The following RBL1 variants were observed in gnomAD, a reference collection of about 807,000 sequenced individuals.
RBL1 encodes RB transcriptional corepressor like 1.
A neutral mutation model predicts 123.0 loss-of-function variants in RBL1; 82 were observed. The ratio of observed to expected loss-of-function variants is 0.67; its 90% CI spans 0.56 to 0.80. The LOEUF (loss-of-function observed/expected upper bound fraction) is 0.80. Ranked by LOEUF, RBL1 falls within the 30% of genes least tolerant of loss-of-function variation. The probability of loss-of-function intolerance (pLI) is 0.00; values close to 1 mark genes in which losing one functional copy is unlikely to be tolerated. For synonymous variants in RBL1, 405 were observed against 441.3 expected (o/e 0.92, Z 1.03); for missense variants, 1,171 against 1,299.6 (o/e 0.90, Z 1.52).
At chr20:37,002,294 T>C (rs1369153591) in intron 21 of RBL1, among the ~76,000 whole-genome samples, 1 of 148,462 alleles carries the variant, frequency 6.7e-6, no homozygotes, top group Non-Finnish European at 1.5e-5. Flanking sequence ...GCTCCCAAAA[T>C]GCTAGAATTA....
In RBL1 at chr20:36,999,870, G is replaced by A. The variant is rs1443912202; in HGVS notation, c.3037-941C>T. Among the ~76,000 whole-genome samples, 21 of 152,194 alleles carry A rather than the reference G, an allele frequency of 1.4e-4. 1 individual carries two copies. On this transcript the variant is annotated intron_variant, in intron 21 of 21. Transcript: ENST00000373664. ...CCTCCACTTCCCAGCTGCCTGCCTT[G>A]GCCCCGCAAAGTGCCGAGATTGCAG...
At chr20:37,033,484 G>T (rs976500065) in intron 15 of RBL1, among the ~76,000 whole-genome samples, 1 of 150,654 alleles carries the variant, frequency 6.6e-6, no homozygotes. Context: ...TGCCCGGCTT[G>T]TATTTTTTTT....
intron 11 of RBL1, chr20:37,049,594 C>T (rs1218251502): frequency 4.0e-6 from 3 of 755,506 alleles, no homozygotes; most frequent in South Asian, 2.7e-5. Flanking sequence ...TTGCTTTCGT[C>T]GAGAGTGCCC....
At chr20:37,049,365 C>G (rs1383218596) in intron 11 of RBL1, 2 of 709,066 alleles carry the variant, frequency 2.8e-6, no homozygotes, top group East Asian at 4.9e-5. Context: ...AGGAATTCCT[C>G]CTGATCGGCA....
intron 2 of RBL1, among the ~76,000 whole-genome samples, chr20:37,078,181 TC>T (rs1440465015): frequency 6.6e-6 from 1 of 152,184 alleles, no homozygotes; most frequent in Admixed American, 6.5e-5. Context: ...TATCCATTAG[TC>T]CCATTACTGA....
At chr20:37,066,525 T>C (rs949655913) in intron 6 of RBL1, among the ~76,000 whole-genome samples, 199 bp downstream of exon 6, 2 of 152,334 alleles carry the variant, frequency 1.3e-5, no homozygotes, top group African/African-American at 2.4e-5. Flanking sequence ...ACAGTACATA[T>C]AGTTGGTCAC....
In RBL1 at chr20:37,022,631, C is replaced by T; in HGVS notation, c.2559+19G>A. ...TGTGAGCCACCATGCCCAGCCTCTT[C>T]TCCCAATTTATACATTACCTTTGCC... On this transcript the variant is annotated intron_variant, in intron 17 of 21. Coordinates refer to ENST00000373664, the MANE Select transcript of RBL1 (RefSeq NM_002895.5). 6.3e-7 allele frequency: 1 copy of T among 1,583,718 alleles called. No homozygotes were observed. The highest frequency in any genetic ancestry group is 8.6e-7 in the Non-Finnish European group (1 of 1,161,834).
At chr20:37,066,695 T>C in intron 6 of RBL1, 29 bp downstream of exon 6, 1 of 1,582,546 alleles carries the variant, frequency 6.3e-7, no homozygotes, top group Non-Finnish European at 8.6e-7. Flanking sequence ...TCTGTAAACA[T>C]CTCAGTCATC....
rs2065002988 is a variant in RBL1, at chr20:37,056,212, C to T, written c.1297G>A (p.Gly433Arg). The T allele has an allele frequency of 2.5e-6, 4 of 1,610,084 alleles. No homozygotes were observed. The highest frequency in any genetic ancestry group is 2.2e-5 in the East Asian group (1 of 44,772). Residue 433 changes from glycine to arginine, a missense_variant, in exon 10 of 22, where the codon GGA becomes AGA. Transcript: ENST00000373664. ...TGTTGACAGAAAGTCTCTCCTATTCCTTTTAGTATTTTCATAATGTTTTCC... is the reference window on the plus strand; with the variant it reads ...TGTTGACAGAAAGTCTCTCCTATTCTTTTTAGTATTTTCATAATGTTTTCC... ...PVENIMKILKGIGETFCQHYT... is the reference protein window; with the variant it reads ...PVENIMKILKRIGETFCQHYT...
At chr20:37,047,284 G>A (rs141321631) in intron 11 of RBL1, 94 bp from the exon 12 acceptor site, 30 of 1,413,844 alleles carry the variant, frequency 2.1e-5, no homozygotes, top group East Asian at 1.2e-4. Context: ...AAAAAATAAC[G>A]TGCAAATTAT....
chr20:37,089,610 T>C (rs1338023022), intron 1 of RBL1, among the ~76,000 whole-genome samples: 1 of 151,272 alleles, frequency 6.6e-6, no homozygotes, highest in Non-Finnish European at 1.5e-5. Flanking sequence ...TGCCACTACA[T>C]TCCAACATAG....
intron 11 of RBL1, among the ~76,000 whole-genome samples, chr20:37,055,309 G>GAAAAAAA (rs59560599): frequency 1.2e-5 from 1 of 84,034 alleles, no homozygotes. Context: ...ATGAAGGACA[G>GAAAAAAA]AAAAAAAAAA....
At chr20:37,085,282 G>A (rs902454669) in intron 2 of RBL1, among the ~76,000 whole-genome samples, 3 of 151,354 alleles carry the variant, frequency 2.0e-5, no homozygotes, top group South Asian at 2.1e-4. Flanking sequence ...ACAGGCACCC[G>A]CAACCACGCC....
At chr20:37,080,460 CTCTT>C (rs1310548464) in intron 2 of RBL1, among the ~76,000 whole-genome samples, 1 of 145,786 alleles carries the variant, frequency 6.9e-6, no homozygotes, top group Admixed American at 6.9e-5. Context: ...TACTCTCTCT[CTCTT>C]TTTTTTTTTT....
intron 19 of RBL1, among the ~76,000 whole-genome samples, chr20:37,008,068 T>C (rs2146205011): frequency 1.3e-5 from 2 of 152,300 alleles, no homozygotes; most frequent in South Asian, 4.1e-4. Context: ...GAACTGAAGG[T>C]GGTGCTCTTT....
At chr20:37,020,088 CTTTTT>C (rs34470853) in intron 18 of RBL1, among the ~76,000 whole-genome samples, 1 of 135,844 alleles carries the variant, frequency 7.4e-6, no homozygotes, top group Non-Finnish European at 1.6e-5. Context: ...TTATACATAA[CTTTTT>C]TTTTTTTTTT....
chr20:37,075,339 G>T (rs543036057), intron 2 of RBL1, among the ~76,000 whole-genome samples: 1 of 152,156 alleles, frequency 6.6e-6, no homozygotes, highest in South Asian at 2.1e-4. Context: ...CAGTTTAAAG[G>T]ATGAATTATA....
intron 12 of RBL1, 56 bp from the exon 13 acceptor site, chr20:37,044,306 G>A: frequency 6.5e-7 from 1 of 1,535,124 alleles, no homozygotes; most frequent in Non-Finnish European, 8.9e-7. Context: ...TTCTAGTCTG[G>A]ACTTGCATGT....
At chr20:37,095,253 G>T (rs954334258) in intron 1 of RBL1, among the ~76,000 whole-genome samples, 1 of 152,104 alleles carries the variant, frequency 6.6e-6, no homozygotes, top group Non-Finnish European at 1.5e-5. Context: ...GTGAAGCAGA[G>T]GGTGGAGGTT....
Sources: gnomAD v4.1 joint callset for allele counts (sites outside exome capture counted in the v4.1 genomes callset) on GRCh38, gnomAD v4.1.1 for gene constraint, MANE v1.5 for transcripts, NCBI Gene and HGNC (gene_info 2026-07-23, HGNC 2026-07-21) for gene names.